Variants in XPOT observed in about 807,000 individuals in gnomAD.
The protein encoded by XPOT is exportin-T.
In XPOT, 34 loss-of-function variants were observed where a neutral mutation model predicts 128.2. The ratio of observed to expected loss-of-function variants is 0.27; its 90% CI spans 0.20 to 0.35. The LOEUF (loss-of-function observed/expected upper bound fraction) is 0.35. Among genes scored for constraint, XPOT ranks in the 10% least tolerant of loss-of-function variants. The pLI is 1.00. For missense variants in XPOT, 838 were observed against 1,125.3 expected, an observed-to-expected ratio of 0.74 and a Z score of 3.65; for synonymous variants, 348 against 394.3, an observed-to-expected ratio of 0.88 and a Z score of 1.39.
chr12:64,435,821 C>T (rs2040277728), intron 22 of XPOT, 147 bp downstream of exon 22: 1 of 677,794 alleles, frequency 1.5e-6, no homozygotes, highest in Admixed American at 3.8e-5. Context: ...TAGCAGTATC[C>T]ATTTATTGTC....
At chr12:64,415,385 A>T (rs7969551) in intron 3 of XPOT, among the ~76,000 whole-genome samples, 135,328 of 151,352 alleles carry the variant, frequency 0.89, 60,751 homozygotes, top group Admixed American at 0.94. Context: ...TATTATTATT[A>T]TTTTCTTGAG....
intron 2 of XPOT, among the ~76,000 whole-genome samples, chr12:64,413,674 C>T (rs912735575): frequency 1.3e-5 from 2 of 152,064 alleles, no homozygotes; most frequent in African/African-American, 2.4e-5. Context: ...GTATAGGAAA[C>T]TATCACCTAA....
intron 1 of XPOT, among the ~76,000 whole-genome samples, chr12:64,406,429 C>T (rs1431404242): frequency 2.0e-5 from 3 of 150,678 alleles, no homozygotes; most frequent in South Asian, 2.1e-4. Context: ...AGTGCGGTGG[C>T]GCCATCTCAG....
intron 18 of XPOT, among the ~76,000 whole-genome samples, chr12:64,433,211 G>A (rs1420265364): frequency 3.9e-5 from 6 of 152,196 alleles, no homozygotes; most frequent in African/African-American, 1.4e-4. Flanking sequence ...CTCCCAAAGT[G>A]CTGGGATTAC....
chr12:64,447,147 A>G (rs1206439847), intron 24 of XPOT, among the ~76,000 whole-genome samples: 2 of 152,164 alleles, frequency 1.3e-5, no homozygotes, highest in Non-Finnish European at 2.9e-5. Context: ...ACAACATGGG[A>G]AAGACCTGCC....
chr12:64,420,555 G>A, intron 8 of XPOT, 34 bp downstream of exon 8: 2 of 1,554,202 alleles, frequency 1.3e-6, no homozygotes, highest in Non-Finnish European at 1.8e-6. Flanking sequence ...TGTATGTAAA[G>A]TTGTTAGAAC....
At chr12:64,418,140 C>T (rs1479951911) in intron 5 of XPOT, 25 bp downstream of exon 5, 2 of 1,582,972 alleles carry the variant, frequency 1.3e-6, no homozygotes, top group East Asian at 2.2e-5. Flanking sequence ...TCATTCAGTA[C>T]CTCAAATTAT....
Position 64,418,035 on chromosome 12 carries a change from A to G in XPOT, c.201-11A>G, listed in dbSNP as rs371548200. 3.0e-5 allele frequency: 49 copies of G among 1,606,572 alleles called. No individual in the cohort carries two copies. The African/African-American group carries it at 4.8e-4, about 16-fold the overall frequency. On this transcript the variant is annotated splice_polypyrimidine_tract_variant and intron_variant, in intron 4 of 24. Transcript: ENST00000332707. ...ATAGCCATTATTCTTTTTCTTCTCT[A>G]TTTTGAACAGATACTCAGAACTAAC...
chr12:64,425,651 T>G, intron 14 of XPOT, 164 bp from the exon 15 acceptor site: 1 of 947,098 alleles, frequency 1.1e-6, no homozygotes, highest in African/African-American at 1.6e-5. Context: ...TAAAACAAGT[T>G]CTCAAGGGAC....
At chr12:64,429,760 T>C (rs1335884920) in intron 16 of XPOT, among the ~76,000 whole-genome samples, 1 of 152,200 alleles carries the variant, frequency 6.6e-6, no homozygotes, top group Non-Finnish European at 1.5e-5. Flanking sequence ...AACAATCTTA[T>C]ATAAATAAGA....
intron 23 of XPOT, among the ~76,000 whole-genome samples, chr12:64,441,453 G>A (rs988126490): frequency 1.3e-5 from 2 of 152,128 alleles, no homozygotes; most frequent in Admixed American, 1.3e-4. Flanking sequence ...TTTTCACACT[G>A]TAATATTAAA....
At chr12:64,434,034 G>C (rs919837164) in intron 19 of XPOT, among the ~76,000 whole-genome samples, 3 of 152,162 alleles carry the variant, frequency 2.0e-5, no homozygotes, top group African/African-American at 7.2e-5. Flanking sequence ...TTTGATTTGT[G>C]AGATAGGGTC....
intron 1 of XPOT, among the ~76,000 whole-genome samples, chr12:64,408,761 C>G (rs2040007157): frequency 6.6e-6 from 1 of 152,070 alleles, no homozygotes; most frequent in African/African-American, 2.4e-5. Flanking sequence ...ACAACCTCTG[C>G]CTCCTGGGTT....
chr12:64,436,259 C>G (rs372014901), intron 22 of XPOT, among the ~76,000 whole-genome samples: 23 of 152,058 alleles, frequency 1.5e-4, no homozygotes, highest in African/African-American at 5.3e-4. Context: ...CTGCGCCTGG[C>G]CTATTTTTTA....
At chr12:64,440,148 C>T (rs1023837388) in intron 23 of XPOT, among the ~76,000 whole-genome samples, 1 of 152,162 alleles carries the variant, frequency 6.6e-6, no homozygotes, top group Non-Finnish European at 1.5e-5. Context: ...CCCCCATCTC[C>T]TAGAAACTAC....
intron 4 of XPOT, 43 bp from the exon 5 acceptor site, chr12:64,418,003 A>G (rs2040103292): frequency 6.6e-7 from 1 of 1,514,486 alleles, no homozygotes; most frequent in Non-Finnish European, 9.1e-7. Context: ...AACCATAGAC[A>G]CCAAATATAG....
intron 2 of XPOT, among the ~76,000 whole-genome samples, chr12:64,410,699 G>A (rs972621525): frequency 6.6e-6 from 1 of 152,130 alleles, no homozygotes; most frequent in African/African-American, 2.4e-5. Flanking sequence ...TATGTCTTAA[G>A]TAAAATGGTT....
At chr12:64,444,595 A>G (rs984443596) in intron 23 of XPOT, among the ~76,000 whole-genome samples, 3 of 152,202 alleles carry the variant, frequency 2.0e-5, no homozygotes, top group African/African-American at 7.2e-5. Context: ...TGAGATATCT[A>G]AAGTAGACTC....
intron 11 of XPOT, among the ~76,000 whole-genome samples, chr12:64,423,797 T>G (rs2040165599): frequency 6.6e-6 from 1 of 152,208 alleles, no homozygotes; most frequent in Admixed American, 6.5e-5. Context: ...CTGAACATAG[T>G]AAAATATTGA....
Sources: allele counts gnomAD v4.1 joint callset (sites outside exome capture counted in the v4.1 genomes callset), GRCh38; gene constraint gnomAD v4.1.1; transcripts MANE v1.5; gene names NCBI Gene and HGNC (gene_info 2026-07-23, HGNC 2026-07-21).